DNAJB14: variants seen among roughly 807,000 people sequenced by gnomAD.
DNAJB14 encodes the protein DnaJ heat shock protein family (Hsp40) member B14.
Under a neutral mutation model 48.4 loss-of-function variants are expected in DNAJB14, and 22 were observed. The observed-to-expected ratio is 0.45, with a 90% CI of 0.32 to 0.65. The LOEUF is 0.65. Among genes scored for constraint, DNAJB14 ranks in the 30% least tolerant of loss-of-function variants. The probability of loss-of-function intolerance (pLI) is 0.03; values close to 1 mark genes in which losing one functional copy is unlikely to be tolerated. For synonymous variants in DNAJB14, 142 were observed against 158.7 expected, an observed-to-expected ratio of 0.89 and a Z score of 0.79; for missense variants, 319 against 458.8, an observed-to-expected ratio of 0.70 and a Z score of 2.78.
intron 3 of DNAJB14, among the ~76,000 whole-genome samples, chr4:99,921,392 G>A (rs973715125): frequency 3.9e-5 from 6 of 152,098 alleles, no homozygotes; most frequent in African/African-American, 1.2e-4. Flanking sequence ...AGTGTCTAGC[G>A]GGCTTCCTTA....
At position 99,933,578 on chromosome 4, in the gene DNAJB14, G is replaced by A. The variant is rs1213770789; in HGVS notation, c.134-2957C>T. On this transcript the variant is annotated intron_variant, in intron 1 of 7. Coordinates refer to ENST00000442697, the MANE Select transcript of DNAJB14 (RefSeq NM_001031723.4). ...CTCCCAAAGTGCTGGGATTACAGGCGTGAGCCACACGCCTGGCCAATTTTT... is the reference window on the plus strand; with the variant it reads ...CTCCCAAAGTGCTGGGATTACAGGCATGAGCCACACGCCTGGCCAATTTTT... 3.3e-5 allele frequency among the ~76,000 whole-genome samples: 5 copies of A among 152,156 alleles called. No individual in the cohort carries two copies. In the South Asian group the frequency reaches 6.2e-4, roughly 19 times the overall value.
At chr4:99,924,883 G>A (rs768317766) in intron 2 of DNAJB14, 4 of 1,155,994 alleles carry the variant, frequency 3.5e-6, no homozygotes, top group Non-Finnish European at 5.2e-6. Context: ...TGTAGATTTT[G>A]CCTCTAGGCA....
rs1725147803 is a variant in DNAJB14, at chr4:99,896,349, A to C, written c.*4679T>G. On this transcript the variant is annotated 3_prime_UTR_variant, in exon 8 of 8. Transcript: ENST00000442697. ...CATTCAGAACATTCATTAAAAATCA[A>C]ATGCATTTGAGTTCTCACAGAAAAT... is the stretch of plus-strand genomic sequence containing the variant. 1 of 152,224 alleles carries C rather than the reference A, an allele frequency of 6.6e-6. No homozygotes were observed. The highest frequency in any genetic ancestry group is 2.4e-5 in the African/African-American group (1 of 41,468). The allele number at this position is 152,224 out of a possible 1,614,324, so 9.4% of individuals were successfully genotyped here. A position where few individuals can be genotyped will look rare whatever the true frequency, so the allele number is the denominator to read the frequency against.
chr4:99,934,807 A>G (rs905039749), intron 1 of DNAJB14, among the ~76,000 whole-genome samples: 11 of 147,390 alleles, frequency 7.5e-5, no homozygotes, highest in Non-Finnish European at 1.5e-4. Context: ...AAAAAAAAAA[A>G]AAAAAAAAAA....
At chr4:99,904,415 T>C (rs1023283609) in intron 6 of DNAJB14, among the ~76,000 whole-genome samples, 2 of 152,128 alleles carry the variant, frequency 1.3e-5, no homozygotes, top group African/African-American at 4.8e-5. Flanking sequence ...TGCTTTCTGA[T>C]AGTTCAATGT....
chr4:99,942,584 G>C (rs1203647857), intron 1 of DNAJB14: 2 of 151,918 alleles, frequency 1.3e-5, no homozygotes, highest in Non-Finnish European at 2.9e-5. Flanking sequence ...AATTCACTTA[G>C]AAGTCCACTG....
chr4:99,902,077 A>G (rs1238091520), intron 7 of DNAJB14, among the ~76,000 whole-genome samples: 1 of 152,164 alleles, frequency 6.6e-6, no homozygotes, highest in East Asian at 1.9e-4. Flanking sequence ...TAATGCGCTT[A>G]TATCTATTTA....
At chr4:99,933,899 T>A (rs1726573378) in intron 1 of DNAJB14, among the ~76,000 whole-genome samples, 1 of 151,644 alleles carries the variant, frequency 6.6e-6, no homozygotes, top group Non-Finnish European at 1.5e-5. Context: ...TAAAAAAAAA[T>A]TAAAAATAAA....
intron 1 of DNAJB14, 135 bp downstream of exon 1, chr4:99,946,304 C>CGGGCCT: frequency 1.5e-6 from 2 of 1,376,950 alleles, no homozygotes; most frequent in East Asian, 5.1e-5. Context: ...TGCTCCCCAC[C>CGGGCCT]GGGCCTGGGG....
intron 3 of DNAJB14, among the ~76,000 whole-genome samples, chr4:99,910,654 T>G (rs1353440901): frequency 6.6e-6 from 1 of 152,088 alleles, no homozygotes; most frequent in Admixed American, 6.6e-5. Context: ...TAAGACAATT[T>G]ATATATTGTG....
At chr4:99,944,560 C>CT (rs1462697263) in intron 1 of DNAJB14, among the ~76,000 whole-genome samples, 5 of 150,056 alleles carry the variant, frequency 3.3e-5, no homozygotes, top group Non-Finnish European at 5.9e-5. Context: ...TTTACTGTAG[C>CT]TTTTTTTTGG....
At position 99,908,909 on chromosome 4, in the gene DNAJB14, T is replaced by A. The variant is rs1448902666; in HGVS notation, c.452-13A>T. On this transcript the variant is annotated splice_polypyrimidine_tract_variant and intron_variant, in intron 3 of 7. Transcript: ENST00000442697. ...GCATTTCCAATCTCTGAAAAAGTAA[T>A]GAGTAAAAGTTGGTAAGCAAAGTTT... The A allele has an allele frequency of 3.3e-6, 5 of 1,513,562 alleles. No individual in the cohort carries two copies. The African/African-American group carries it at 5.7e-5, about 17-fold the overall frequency. The allele number at this position is 1,513,562 out of a possible 1,614,324, so 93.8% of individuals were successfully genotyped here.
intron 2 of DNAJB14, chr4:99,924,348 A>G (rs1320983413): frequency 6.4e-6 from 1 of 156,074 alleles, no homozygotes; most frequent in Non-Finnish European, 1.4e-5. Context: ...ATTAGTTATC[A>G]CAGTGCTTGG....
Position 99,924,458 on chromosome 4 carries a change from A to T in DNAJB14, c.306-1273T>A, listed in dbSNP as rs534525207. Reference sequence around the variant, plus strand: ...CATTTGTTATATGAACTTGGGGGTAAAAAGGGAAAGTAATATAAAATTGTA... The same window carrying T: ...CATTTGTTATATGAACTTGGGGGTATAAAGGGAAAGTAATATAAAATTGTA... On this transcript the variant is annotated intron_variant, in intron 2 of 7. Transcript: ENST00000442697. The T allele has an allele frequency of 4.9e-5, 12 of 243,688 alleles. No homozygotes were observed. The East Asian group carries it at 1.3e-3, about 27-fold the overall frequency. 15.1% of individuals were successfully genotyped at this position (243,688 alleles called of 1,614,324 possible). A position where few individuals can be genotyped will look rare whatever the true frequency, so the allele number is the denominator to read the frequency against.
intron 4 of DNAJB14, 122 bp downstream of exon 4, chr4:99,908,589 T>C (rs7676564): frequency 0.39 from 280,754 of 715,584 alleles, 57,901 homozygotes; most frequent in African/African-American, 0.63. Flanking sequence ...GAAAAACCAT[T>C]ACAGGATCGT....
chr4:99,928,553 G>GGCATCAATGCTCTTC (rs1726341114), intron 2 of DNAJB14: 1 of 440,582 alleles, frequency 2.3e-6, no homozygotes, highest in African/African-American at 2.0e-5. Context: ...AGAACAAAGA[G>GGCATCAATGCTCTTC]GCATCAATGC....
At chr4:99,923,966 A>C (rs1726155246) in intron 2 of DNAJB14, 1 of 685,268 alleles carries the variant, frequency 1.5e-6, no homozygotes, top group Non-Finnish European at 1.8e-6. Flanking sequence ...ACATTTCTAA[A>C]GATTATATAC....
At chr4:99,939,621 T>G (rs1726818683) in intron 1 of DNAJB14, among the ~76,000 whole-genome samples, 1 of 152,246 alleles carries the variant, frequency 6.6e-6, no homozygotes, top group Non-Finnish European at 1.5e-5. Flanking sequence ...TGCACAGGGC[T>G]TCTGCCTAAC....
chr4:99,940,804 C>T (rs1186448982), intron 1 of DNAJB14, among the ~76,000 whole-genome samples: 1 of 151,896 alleles, frequency 6.6e-6, no homozygotes, highest in Non-Finnish European at 1.5e-5. Context: ...TTAGAGATAT[C>T]ACCTTATAGC....
Sources: allele counts gnomAD v4.1 joint callset (sites outside exome capture counted in the v4.1 genomes callset), GRCh38; gene constraint gnomAD v4.1.1; transcripts MANE v1.5; gene names NCBI Gene and HGNC (gene_info 2026-07-23, HGNC 2026-07-21).